Variants in NKAIN2 observed in about 807,000 individuals in gnomAD.
NKAIN2 encodes the protein sodium/potassium transporting ATPase interacting 2.
Under a neutral mutation model 32.6 loss-of-function variants are expected in NKAIN2, and 14 were observed. The observed-to-expected ratio is 0.43, with a 90% CI of 0.28 to 0.67. The LOEUF is 0.67. NKAIN2 is among the 30% of genes least tolerant of loss of function. The pLI is 0.17. For missense variants in NKAIN2, 198 were observed against 258.3 expected, an observed-to-expected ratio of 0.77 and a Z score of 1.60; for synonymous variants, 80 against 87.2, an observed-to-expected ratio of 0.92 and a Z score of 0.46.
chr6:124,799,193 T>C (rs767938103), intron 5 of NKAIN2, among the ~76,000 whole-genome samples: 5 of 152,182 alleles, frequency 3.3e-5, no homozygotes, highest in Non-Finnish European at 5.9e-5. Context: ...TCAATCAAAT[T>C]CAAGTTCCTA....
At chr6:123,969,189 G>A (rs937463186) in intron 1 of NKAIN2, among the ~76,000 whole-genome samples, 1 of 152,316 alleles carries the variant, frequency 6.6e-6, no homozygotes, top group Non-Finnish European at 1.5e-5. Context: ...TTTCCAGTGA[G>A]ACTTACCCTG....
Position 123,870,134 on chromosome 6 carries a change from A to G in NKAIN2, c.54+65880A>G, listed in dbSNP as rs150443907. ...TGGTCATTTGAGCACTGGGGGTATAACAGGTAAGAGACAAAAATTCTTGCT... is the reference window on the plus strand; with the variant it reads ...TGGTCATTTGAGCACTGGGGGTATAGCAGGTAAGAGACAAAAATTCTTGCT... On this transcript the variant is annotated intron_variant, in intron 1 of 6. Coordinates refer to ENST00000368417, the MANE Select transcript of NKAIN2 (RefSeq NM_001040214.3). Among the ~76,000 whole-genome samples the G allele has an allele frequency of 1.5e-3, 236 of 152,296 alleles. 1 individual carries two copies. The highest frequency in any genetic ancestry group is 5.2e-3 in the African/African-American group (216 of 41,564).
At chr6:124,539,164 T>G (rs1341705107) in intron 3 of NKAIN2, among the ~76,000 whole-genome samples, 2 of 150,708 alleles carry the variant, frequency 1.3e-5, no homozygotes, top group Non-Finnish European at 3.0e-5. Flanking sequence ...AGTGTTCACT[T>G]TTTGTATAAT....
Position 124,325,344 on chromosome 6 carries a change from C to T in NKAIN2, c.193-29923C>T, listed in dbSNP as rs142462096. Reference sequence around the variant, plus strand: ...TCAAATACTATGGAAAACAGTTTAGCAGTTTCTTTTAATGACATACTCTGT... The same window carrying T: ...TCAAATACTATGGAAAACAGTTTAGTAGTTTCTTTTAATGACATACTCTGT... On this transcript the variant is annotated intron_variant, in intron 2 of 6. Coordinates refer to ENST00000368417, the MANE Select transcript of NKAIN2 (RefSeq NM_001040214.3). Among the ~76,000 whole-genome samples the T allele has an allele frequency of 5.9e-5, 9 of 152,104 alleles. No homozygotes were observed. In the East Asian group the frequency reaches 1.7e-3, roughly 29 times the overall value.
intron 3 of NKAIN2, among the ~76,000 whole-genome samples, chr6:124,407,464 C>T (rs142523876): frequency 6.6e-6 from 1 of 151,436 alleles, no homozygotes; most frequent in South Asian, 2.1e-4. Flanking sequence ...TTTGTCCTTG[C>T]AATAGTTTGC....
At chr6:124,670,025 T>C (rs1021761854) in intron 4 of NKAIN2, among the ~76,000 whole-genome samples, 3 of 152,112 alleles carry the variant, frequency 2.0e-5, no homozygotes, top group Non-Finnish European at 2.9e-5. Context: ...TCCTCCCATG[T>C]AGGTTGGTGC....
intron 5 of NKAIN2, among the ~76,000 whole-genome samples, chr6:124,803,015 TGC>T (rs1439246883): frequency 3.9e-5 from 6 of 152,194 alleles, no homozygotes; most frequent in Admixed American, 3.9e-4. Flanking sequence ...CCTGGGTGGT[TGC>T]TCATTGCTGG....
At chr6:123,907,393 C>A (rs1203251470) in intron 1 of NKAIN2, among the ~76,000 whole-genome samples, 1 of 152,022 alleles carries the variant, frequency 6.6e-6, no homozygotes, top group Non-Finnish European at 1.5e-5. Flanking sequence ...ATCATAATAT[C>A]ATAAAACTAG....
intron 1 of NKAIN2, among the ~76,000 whole-genome samples, chr6:124,256,882 G>GTTT (rs1163096108): frequency 4.5e-5 from 3 of 66,380 alleles, no homozygotes; most frequent in African/African-American, 1.3e-4. Flanking sequence ...TTAGCTTTCT[G>GTTT]TTGTTTTTTT....
intron 1 of NKAIN2, among the ~76,000 whole-genome samples, chr6:124,039,385 G>A (rs1253820872): frequency 6.6e-6 from 1 of 151,518 alleles, no homozygotes; most frequent in Non-Finnish European, 1.5e-5. Flanking sequence ...TACTGCAAAT[G>A]CGTTATATAT....
chr6:124,491,584 T>C (rs1477364111), intron 3 of NKAIN2, among the ~76,000 whole-genome samples: 1 of 151,828 alleles, frequency 6.6e-6, no homozygotes, highest in Non-Finnish European at 1.5e-5. Context: ...TATGCCCTTT[T>C]TTAGCTTGGC....
chr6:124,472,453 AC>A (rs1777011788), intron 3 of NKAIN2, among the ~76,000 whole-genome samples: 1 of 152,136 alleles, frequency 6.6e-6, no homozygotes, highest in Non-Finnish European at 1.5e-5. Context: ...AGTCATCTGT[AC>A]ATAAGCCATC....
chr6:124,424,227 T>C (rs1402552648), intron 3 of NKAIN2, among the ~76,000 whole-genome samples: 1 of 152,132 alleles, frequency 6.6e-6, no homozygotes, highest in Admixed American at 6.5e-5. Context: ...TCTCCTGACC[T>C]CATGATCCGT....
At chr6:124,295,906 T>C (rs1796028059) in intron 2 of NKAIN2, among the ~76,000 whole-genome samples, 1 of 152,042 alleles carries the variant, frequency 6.6e-6, no homozygotes, top group Non-Finnish European at 1.5e-5. Flanking sequence ...TCAGGGAACA[T>C]ATGCCAATTT....
intron 1 of NKAIN2, among the ~76,000 whole-genome samples, chr6:124,197,694 C>T (rs1790381449): frequency 6.6e-6 from 1 of 152,046 alleles, no homozygotes; most frequent in African/African-American, 2.4e-5. Flanking sequence ...TCACTGCAGT[C>T]AAGATTTTAA....
chr6:124,516,435 G>A (rs2114785614), intron 3 of NKAIN2, among the ~76,000 whole-genome samples: 1 of 152,114 alleles, frequency 6.6e-6, no homozygotes, highest in South Asian at 2.1e-4. Context: ...CTCCTAAATC[G>A]AGACTGCTCT....
intron 1 of NKAIN2, among the ~76,000 whole-genome samples, chr6:123,860,478 A>G (rs1224707138): frequency 1.3e-5 from 2 of 152,014 alleles, no homozygotes; most frequent in Non-Finnish European, 2.9e-5. Context: ...TGGCTCTGTC[A>G]TGGCTCACTG....
chr6:124,780,145 T>C (rs1270597328), intron 4 of NKAIN2, among the ~76,000 whole-genome samples: 2 of 152,112 alleles, frequency 1.3e-5, no homozygotes, highest in Admixed American at 1.3e-4. Flanking sequence ...TCTATGGTTA[T>C]CAAAATCAGA....
intron 4 of NKAIN2, among the ~76,000 whole-genome samples, chr6:124,675,735 T>C (rs967922996): frequency 2.0e-5 from 3 of 152,020 alleles, no homozygotes; most frequent in Non-Finnish European, 4.4e-5. Context: ...CTTTTTTCTT[T>C]TTTATCCTAA....
Sources: allele counts gnomAD v4.1 joint callset (sites outside exome capture counted in the v4.1 genomes callset), GRCh38; gene constraint gnomAD v4.1.1; transcripts MANE v1.5; gene names NCBI Gene and HGNC (gene_info 2026-07-23, HGNC 2026-07-21).